The following DOCK2 variants were observed in gnomAD, a reference collection of about 807,000 sequenced individuals.
DOCK2 encodes dedicator of cytokinesis 2.
Under a neutral mutation model 248.9 loss-of-function variants are expected in DOCK2, and 87 were observed. The observed-to-expected ratio is 0.35, with a 90% CI of 0.29 to 0.42. The LOEUF is 0.42. DOCK2 is among the 10% of genes least tolerant of loss of function. DOCK2 has a pLI of 1.00. For synonymous variants in DOCK2, 805 were observed against 821.6 expected (o/e 0.98, Z 0.35); for missense variants, 1,747 against 2,300.2 (o/e 0.76, Z 4.92).
rs112654610 is a variant in DOCK2, at chr5:169,674,569, T to C, written c.470+124T>C. The C allele has an allele frequency of 1.1e-3, 1,513 of 1,430,406 alleles. 16 individuals carry two copies. In the African/African-American group the frequency reaches 0.019, roughly 18 times the overall value. 88.6% of individuals were successfully genotyped at this position (1,430,406 alleles called of 1,614,324 possible). ...TGTCACTTTCTGTTTGGGAGAAGGT[T>C]GTGACCAATGGCTGTGCTTGCGTGC... On this transcript the variant is annotated intron_variant, in intron 6 of 51. Transcript: ENST00000520908.
chr5:169,652,409 C>G (rs1757857984), intron 1 of DOCK2, among the ~76,000 whole-genome samples: 1 of 152,238 alleles, frequency 6.6e-6, no homozygotes, highest in Non-Finnish European at 1.5e-5. Context: ...CCAGAGACAA[C>G]TAGCTCTTAA....
intron 23 of DOCK2, 97 bp downstream of exon 23, chr5:169,747,601 T>A (rs1763680762): frequency 9.1e-7 from 1 of 1,096,778 alleles, no homozygotes; most frequent in Middle Eastern, 3.0e-4. Context: ...ATATGCAAAC[T>A]TGTATCCAGT....
intron 27 of DOCK2, among the ~76,000 whole-genome samples, chr5:169,867,659 A>T (rs1367550087): frequency 1.3e-5 from 2 of 151,924 alleles, no homozygotes; most frequent in Non-Finnish European, 2.9e-5. Flanking sequence ...TACCTCTAGC[A>T]TCTATTTGTC....
intron 26 of DOCK2, among the ~76,000 whole-genome samples, chr5:169,817,527 C>T (rs2113216509): frequency 6.6e-6 from 1 of 152,312 alleles, no homozygotes; most frequent in Non-Finnish European, 1.5e-5. Flanking sequence ...ACATCTAGTC[C>T]TTCCTAAGCC....
intron 22 of DOCK2, among the ~76,000 whole-genome samples, chr5:169,727,792 T>A (rs190204795): frequency 0.015 from 2,319 of 151,802 alleles, 69 homozygotes; most frequent in African/African-American, 0.052. Flanking sequence ...AAAAAAAAAA[T>A]TTTTTTCTCC....
At chr5:169,655,848 T>C (rs1167542491) in intron 2 of DOCK2, among the ~76,000 whole-genome samples, 1 of 152,176 alleles carries the variant, frequency 6.6e-6, no homozygotes, top group Admixed American at 6.5e-5. Flanking sequence ...AAAGGGGTCA[T>C]GGGGGAAATG....
In DOCK2 at chr5:169,985,941, C is replaced by G. The variant is rs370971175; in HGVS notation, c.2993+19C>G. ...AAAACAGGTGAGCTGCTACCTGCTT[C>G]CGCAAAGCTACCTTACCCAGCCCTC... On this transcript the variant is annotated intron_variant, in intron 29 of 51. Coordinates refer to ENST00000520908, the MANE Select transcript of DOCK2 (RefSeq NM_004946.3). The G allele has an allele frequency of 3.6e-4, 574 of 1,598,070 alleles. 1 individual carries two copies. Among genetic ancestry groups the G allele is most frequent in the Non-Finnish European group, 4.7e-4 (546 of 1,170,368 alleles).
chr5:169,853,302 C>T (rs973567592), intron 27 of DOCK2, among the ~76,000 whole-genome samples: 2 of 152,124 alleles, frequency 1.3e-5, no homozygotes, highest in African/African-American at 4.8e-5. Context: ...ATCCACTGCC[C>T]CTGGGAAAAT....
chr5:169,885,934 G>A (rs1772945044), intron 27 of DOCK2, among the ~76,000 whole-genome samples: 2 of 152,118 alleles, frequency 1.3e-5, no homozygotes, highest in Admixed American at 1.3e-4. Flanking sequence ...AGCTTAGAGA[G>A]GGTAAGTACT....
intron 27 of DOCK2, among the ~76,000 whole-genome samples, chr5:169,906,681 T>C (rs1204344139): frequency 1.3e-5 from 2 of 152,150 alleles, no homozygotes; most frequent in African/African-American, 4.8e-5. Context: ...GTCACATACC[T>C]GAGCTGGAGC....
intron 27 of DOCK2, among the ~76,000 whole-genome samples, chr5:169,976,315 T>C (rs1028784732): frequency 2.0e-5 from 3 of 152,202 alleles, no homozygotes; most frequent in African/African-American, 7.2e-5. Flanking sequence ...TGTCACCATA[T>C]ACTAAAAGTC....
chr5:169,867,507 CTATT>C (rs1285614928), intron 27 of DOCK2, among the ~76,000 whole-genome samples: 21 of 151,916 alleles, frequency 1.4e-4, no homozygotes, highest in African/African-American at 3.6e-4. Context: ...CATCTATTAT[CTATT>C]TATCTATCTA....
Position 169,883,280 on chromosome 5 carries a change from C to A in DOCK2, c.2799+42428C>A, listed in dbSNP as rs200832892. The A allele has an allele frequency of 4.9e-4, 765 of 1,551,602 alleles. 6 individuals are homozygous for A. The African/African-American group carries it at 8.6e-3, about 17-fold the overall frequency. On this transcript the variant is annotated intron_variant, in intron 27 of 51. Transcript: ENST00000520908. ...TCCCAGGAAGGACTGTGATAAATAT[C>A]ATCTGGAACCTGAATGGCAGCTGTG...
At chr5:169,738,244 A>T (rs1402888807) in intron 22 of DOCK2, among the ~76,000 whole-genome samples, 4 of 152,204 alleles carry the variant, frequency 2.6e-5, no homozygotes, top group African/African-American at 9.6e-5. Flanking sequence ...CAACAGGAAA[A>T]TGCTATGATC....
At chr5:169,736,415 T>C (rs987363759) in intron 22 of DOCK2, among the ~76,000 whole-genome samples, 4 of 152,304 alleles carry the variant, frequency 2.6e-5, no homozygotes, top group Admixed American at 6.5e-5. Context: ...TATGTTTTAA[T>C]GTAATATTCT....
intron 22 of DOCK2, among the ~76,000 whole-genome samples, chr5:169,745,703 A>G (rs1015765859): frequency 1.3e-5 from 2 of 152,120 alleles, no homozygotes; most frequent in African/African-American, 4.8e-5. Context: ...GTGAGGAGTG[A>G]GTGATTTCAC....
At chr5:169,719,321 T>C (rs1762071646) in intron 22 of DOCK2, among the ~76,000 whole-genome samples, 1 of 152,178 alleles carries the variant, frequency 6.6e-6, no homozygotes, top group South Asian at 2.1e-4. Flanking sequence ...TTGAAGGGCT[T>C]TGGAGAGGAA....
chr5:169,939,058 C>A (rs1332201411), intron 27 of DOCK2, among the ~76,000 whole-genome samples: 1 of 151,882 alleles, frequency 6.6e-6, no homozygotes, highest in African/African-American at 2.4e-5. Flanking sequence ...CATGCACCAC[C>A]ACGCCCTGCT....
chr5:170,047,706 C>T (rs1756764640), intron 40 of DOCK2, 92 bp downstream of exon 40: 5 of 1,187,930 alleles, frequency 4.2e-6, no homozygotes, highest in Non-Finnish European at 1.2e-6. Flanking sequence ...TGCTTGTGCT[C>T]AGAAGCGGTG....
Sources: allele counts gnomAD v4.1 joint callset (sites outside exome capture counted in the v4.1 genomes callset), GRCh38; gene constraint gnomAD v4.1.1; transcripts MANE v1.5; gene names NCBI Gene and HGNC (gene_info 2026-07-23, HGNC 2026-07-21).